The following DST variants were observed in gnomAD, a reference collection of about 807,000 sequenced individuals.
DST encodes the protein dystonin.
In DST, 253 loss-of-function variants were observed where a neutral mutation model predicts 875.2. The observed-to-expected ratio is 0.29, with a 90% confidence interval of 0.26 to 0.32. The LOEUF (loss-of-function observed/expected upper bound fraction) is 0.32. DST is among the 10% of genes least tolerant of loss of function. The probability of loss-of-function intolerance (pLI) is 1.00; values close to 1 mark genes in which losing one functional copy is unlikely to be tolerated. For synonymous variants in DST, 3,124 were observed against 3,197.1 expected, an observed-to-expected ratio of 0.98 and a Z score of 0.77; for missense variants, 8,287 against 9,111.6, an observed-to-expected ratio of 0.91 and a Z score of 3.68.
intron 36 of DST, chr6:56,617,944 T>G: frequency 8.4e-6 from 13 of 1,543,450 alleles, no homozygotes; most frequent in African/African-American, 1.4e-5. Flanking sequence ...TGAGGAAACT[T>G]GACATTAGGT....
chr6:56,630,212 A>G (rs760723646), intron 31 of DST, 33 bp downstream of exon 31: 3 of 1,459,180 alleles, frequency 2.1e-6, no homozygotes, highest in Non-Finnish European at 2.9e-6. Context: ...GTAGAATACG[A>G]TATTTAAAAA....
chr6:56,697,832 A>C (rs1271636004), intron 9 of DST, among the ~76,000 whole-genome samples: 2 of 152,206 alleles, frequency 1.3e-5, no homozygotes, highest in Non-Finnish European at 2.9e-5. Flanking sequence ...TGATCCACTT[A>C]GGACTACTTA....
At chr6:56,839,875 T>C (rs1025743428) in intron 4 of DST, among the ~76,000 whole-genome samples, 5 of 152,168 alleles carry the variant, frequency 3.3e-5, no homozygotes, top group Non-Finnish European at 7.4e-5. Flanking sequence ...AACAGCAGTT[T>C]GCAGGGGGTG....
chr6:56,702,014 AC>A, intron 7 of DST, 49 bp from the exon 8 acceptor site: 2 of 1,075,692 alleles, frequency 1.9e-6, no homozygotes, highest in Non-Finnish European at 2.8e-6. Context: ...GTTATCACAG[AC>A]CATGCTAATT....
intron 28 of DST, 61 bp downstream of exon 28, chr6:56,632,793 C>CA (rs1431940716): frequency 1.4e-6 from 2 of 1,445,770 alleles, no homozygotes; most frequent in Non-Finnish European, 1.9e-6. Flanking sequence ...CCATTGAGAG[C>CA]AAAAAATAGC....
intron 4 of DST, among the ~76,000 whole-genome samples, chr6:56,779,980 G>GT (rs2099689243): frequency 1.4e-5 from 2 of 147,732 alleles, no homozygotes. Context: ...GGGGTGTTTG[G>GT]TTTTTTGTCC....
intron 3 of DST, among the ~76,000 whole-genome samples, chr6:56,880,973 G>A (rs1209688694): frequency 2.0e-5 from 3 of 146,544 alleles, no homozygotes; most frequent in African/African-American, 2.5e-5. Flanking sequence ...TTAGCCTCCC[G>A]AGTAGCTGGG....
At chr6:56,469,770 A>C in intron 97 of DST, 113 bp downstream of exon 97, 1 of 878,068 alleles carries the variant, frequency 1.1e-6, no homozygotes, top group South Asian at 1.5e-5. Flanking sequence ...AAATTTTGAC[A>C]TGAGGTAAAA....
chr6:56,485,562 G>C, intron 87 of DST, 91 bp from the exon 88 acceptor site: 1 of 1,230,026 alleles, frequency 8.1e-7, no homozygotes, highest in Non-Finnish European at 1.1e-6. Context: ...AGGTTGAGTG[G>C]TACTCAAGGG....
chr6:56,622,514 G>A (rs918921951), intron 36 of DST, among the ~76,000 whole-genome samples: 2 of 134,384 alleles, frequency 1.5e-5, no homozygotes, highest in African/African-American at 2.9e-5. Flanking sequence ...GGCAGAGGTT[G>A]CAGTGAGCCG....
At position 56,862,542 on chromosome 6, in the gene DST, ACTTCAT is replaced by A. The variant is rs144432323; in HGVS notation, c.418-10944_418-10939del. Reference sequence around the variant, plus strand: ...GCTTGCATGTGACACTGGGGCCCAGACTTCATCTTCATCTTCATCTTCATCTTCATC... The same window carrying A: ...GCTTGCATGTGACACTGGGGCCCAGACTTCATCTTCATCTTCATCTTCATC... On this transcript the variant is annotated intron_variant, in intron 3 of 103. Transcript: ENST00000680361. Among the ~76,000 whole-genome samples, 1,205 of 152,126 alleles carry A rather than the reference ACTTCAT, an allele frequency of 7.9e-3. 12 individuals are homozygous for A. The highest frequency in any genetic ancestry group is 0.027 in the African/African-American group (1,107 of 41,510).
chr6:56,696,143 C>T (rs2099262287), intron 9 of DST, among the ~76,000 whole-genome samples: 1 of 151,964 alleles, frequency 6.6e-6, no homozygotes, highest in African/African-American at 2.4e-5. Context: ...AACACTATGC[C>T]ACAGTATATT....
chr6:56,850,178 A>G (rs982534861), intron 4 of DST, among the ~76,000 whole-genome samples: 1 of 152,048 alleles, frequency 6.6e-6, no homozygotes, highest in Non-Finnish European at 1.5e-5. Flanking sequence ...CCTGGGTGAG[A>G]CCAGCCAGCA....
chr6:56,527,082 A>G (rs949581658), intron 68 of DST, among the ~76,000 whole-genome samples: 3 of 152,200 alleles, frequency 2.0e-5, no homozygotes, highest in African/African-American at 7.2e-5. Flanking sequence ...ACAGAGGCTG[A>G]TATCTTGGAA....
chr6:56,936,271 T>A (rs960386311), intron 2 of DST, among the ~76,000 whole-genome samples: 1 of 152,206 alleles, frequency 6.6e-6, no homozygotes, highest in African/African-American at 2.4e-5. Flanking sequence ...AACGCAGCTG[T>A]AAAACTGAAT....
chr6:56,553,497 C>A lies in DST; in HGVS notation c.15295G>T (p.Asp5099Tyr). Residue 5099 changes from aspartate to tyrosine, a missense_variant, in exon 61 of 104, where the codon GAT becomes TAT. Asp to Tyr is a radical substitution (Grantham distance 160). Coordinates refer to ENST00000680361, the MANE Select transcript of DST (RefSeq NM_001374736.1). Reference protein sequence around the residue: ...KLDVLESLIKDHKDFSKTLTA... With the variant: ...KLDVLESLIKYHKDFSKTLTA... Reference sequence around the variant, plus strand: ...AAAGTTTTACTAAAGTCTTTATGATCTTTAATTAATGACTCCAAGACATCG... The same window carrying A: ...AAAGTTTTACTAAAGTCTTTATGATATTTAATTAATGACTCCAAGACATCG... 10 of 1,613,758 alleles carry A rather than the reference C, an allele frequency of 6.2e-6. No homozygotes were observed. The highest frequency in any genetic ancestry group is 8.5e-6 in the Non-Finnish European group (10 of 1,179,844).
intron 50 of DST, among the ~76,000 whole-genome samples, chr6:56,577,879 A>G (rs1321910368): frequency 6.6e-6 from 1 of 152,168 alleles, no homozygotes; most frequent in Non-Finnish European, 1.5e-5. Context: ...AGATAGAAAG[A>G]TAATATACAA....
At position 56,639,272 on chromosome 6, in the gene DST, C is replaced by A. The variant is rs768679542; in HGVS notation, c.2951G>T (p.Arg984Leu). Reference sequence around the variant, plus strand: ...TTCCAGCTTTACCTCAATAGTTAACCGGGCTGGATGATTTTCTAGAAGTAG... The same window carrying A: ...TTCCAGCTTTACCTCAATAGTTAACAGGGCTGGATGATTTTCTAGAAGTAG... ...EQLLLENHPA[R>L]LTIEAYRAAM... Residue 984 changes from arginine to leucine, a missense_variant, in exon 22 of 104, where the codon CGG becomes CTG. Transcript: ENST00000680361. 24 of 1,612,890 alleles carry A rather than the reference C, an allele frequency of 1.5e-5. No homozygotes were observed. Among genetic ancestry groups the A allele is most frequent in the East Asian group, 2.2e-5 (1 of 44,862 alleles).
Position 56,606,811 on chromosome 6 carries a change from G to C in DST, c.7817C>G (p.Thr2606Ser). 1.2e-6 allele frequency: 2 copies of C among 1,613,170 alleles called. No individual in the cohort carries two copies. Among genetic ancestry groups the C allele is most frequent in the South Asian group, 2.2e-5 (2 of 91,064 alleles). ...ATCATAAAAATCATCATCACTATCAGTGTCTGTTCCTGTGTTATTCTGCTG... is the reference window on the plus strand; with the variant it reads ...ATCATAAAAATCATCATCACTATCACTGTCTGTTCCTGTGTTATTCTGCTG... The part of the protein sequence containing the change: ...NDQQNNTGTD[T>S]DSDDDFYDTP... Residue 2606 changes from threonine (T) to serine (S), a missense_variant, in exon 40 of 104, where the codon ACT becomes AGT. Physicochemically the swap from Thr to Ser is moderately conservative, Grantham distance 58. Coordinates refer to ENST00000680361, the MANE Select transcript of DST (RefSeq NM_001374736.1).
Sources: allele counts gnomAD v4.1 joint callset (sites outside exome capture counted in the v4.1 genomes callset), GRCh38; gene constraint gnomAD v4.1.1; transcripts MANE v1.5; gene names NCBI Gene and HGNC (gene_info 2026-07-23, HGNC 2026-07-21).